CUL2: variants seen among roughly 807,000 people sequenced by gnomAD.
CUL2 encodes the protein cullin-2.
CUL2 carries 22 observed loss-of-function variants against 110.2 expected under a neutral mutation model. The observed-to-expected ratio is 0.20, with a 90% confidence interval of 0.14 to 0.28. The LOEUF is 0.28. Ranked by LOEUF, CUL2 falls within the 10% of genes least tolerant of loss-of-function variation. CUL2 has a pLI of 1.00. For synonymous variants in CUL2, 279 were observed against 293.2 expected (o/e 0.95, Z 0.49); for missense variants, 631 against 905.5 (o/e 0.70, Z 3.89).
chr10:35,086,564 G>A (rs1325958356), intron 1 of CUL2, among the ~76,000 whole-genome samples: 1 of 152,106 alleles, frequency 6.6e-6, no homozygotes, highest in East Asian at 1.9e-4. Flanking sequence ...TGGGATTACA[G>A]GCCTGAGCCA....
rs776636047 is a variant in CUL2 at position 35,029,469 on chromosome 10, G to C, written c.1539+19C>G. The C allele has an allele frequency of 3.4e-6, 5 of 1,449,550 alleles. No homozygotes were observed. The highest frequency in any genetic ancestry group is 4.7e-6 in the Non-Finnish European group (5 of 1,073,232). 89.8% of individuals were successfully genotyped at this position (1,449,550 alleles called of 1,614,324 possible). On this transcript the variant is annotated intron_variant, in intron 15 of 20. Coordinates refer to ENST00000374749, the MANE Select transcript of CUL2 (RefSeq NM_003591.4). ...CTGAAATGATTAGTAAATGCTCATA[G>C]TAAAACACATATTCATACCTGTAGA...
Position 35,060,943 on chromosome 10 carries a change from A to G in CUL2, c.248T>C (p.Val83Ala), listed in dbSNP as rs763290894. 6.2e-7 allele frequency: 1 copy of G among 1,613,784 alleles called. No individual in the cohort carries two copies. Among genetic ancestry groups the G allele is most frequent in the Non-Finnish European group, 8.5e-7 (1 of 1,179,902 alleles). ...HKRVLESEEQ[V>A]LVMYHRYWEE... ...CCAGTACCTATGATACATAACAAGT[A>G]CTTGTTCTTCTGACTCCAAAACTCT... Residue 83 changes from valine (V) to alanine (A), a missense_variant, in exon 4 of 21, where the codon GTA (valine) becomes GCA (alanine). Val to Ala is a moderately conservative substitution (Grantham distance 64). Around this residue, in one of 3 missense-constraint regions of CUL2, gnomAD observed 338 missense variants for 442.5 expected, o/e 0.76. Coordinates refer to ENST00000374749, the MANE Select transcript of CUL2 (RefSeq NM_003591.4).
chr10:35,107,075 C>T (rs1419307012), intron 1 of CUL2, among the ~76,000 whole-genome samples: 3 of 152,022 alleles, frequency 2.0e-5, no homozygotes, highest in Non-Finnish European at 4.4e-5. Flanking sequence ...CCCGGGTTCA[C>T]ACCATTCTCC....
intron 16 of CUL2, among the ~76,000 whole-genome samples, chr10:35,026,941 G>A (rs573344241): frequency 1.2e-3 from 179 of 151,778 alleles, no homozygotes; most frequent in South Asian, 0.011. Flanking sequence ...CCACTAACTC[G>A]TCATTTAGCA....
At chr10:35,048,346 T>C (rs2086005676) in intron 6 of CUL2, among the ~76,000 whole-genome samples, 1 of 152,150 alleles carries the variant, frequency 6.6e-6, no homozygotes, top group Admixed American at 6.5e-5. Context: ...CCAGAACTAA[T>C]ATGCTTTAGT....
At position 35,123,043 on chromosome 10, in the gene CUL2, T is replaced by C. The variant is rs140245456; in HGVS notation, c.-51+3562A>G. On this transcript the variant is annotated intron_variant, in intron 1 of 5. Transcript: ENST00000685421. ...GTCCTAGCTACTCAGGAGGCTGAGG[T>C]GGGAGGATTGCTTGAGCCTGGGAGG... Among the ~76,000 whole-genome samples, 456 of 152,050 alleles carry C rather than the reference T, an allele frequency of 3.0e-3. 10 individuals are homozygous for C. Among genetic ancestry groups the C allele is most frequent in the Admixed American group, 0.029 (443 of 15,262 alleles).
chr10:35,106,173 A>C (rs577026336), intron 1 of CUL2, among the ~76,000 whole-genome samples: 156 of 152,330 alleles, frequency 1.0e-3, no homozygotes, highest in Non-Finnish European at 2.0e-3. Flanking sequence ...GAGTTCCCAG[A>C]GAGCTCCCTC....
upstream of CUL2, among the ~76,000 whole-genome samples, chr10:35,091,773 A>T (rs988847147): frequency 6.6e-6 from 1 of 152,112 alleles, no homozygotes; most frequent in Non-Finnish European, 1.5e-5. Flanking sequence ...GAAGCCCGCC[A>T]CCACACCCGG....
intron 1 of CUL2, among the ~76,000 whole-genome samples, chr10:35,115,532 C>G (rs2087583474): frequency 1.3e-5 from 2 of 152,074 alleles, no homozygotes; most frequent in African/African-American, 4.8e-5. Context: ...TACACTCTAG[C>G]CTGGGTGACA....
At chr10:35,032,579 CA>C in intron 11 of CUL2, 85 bp from the exon 12 acceptor site, 5 of 963,644 alleles carry the variant, frequency 5.2e-6, no homozygotes, top group South Asian at 3.4e-5. Flanking sequence ...TCTGTACATC[CA>C]AAAATTACCC....
intron 1 of CUL2, among the ~76,000 whole-genome samples, chr10:35,112,957 G>T (rs931589810): frequency 1.3e-5 from 2 of 151,510 alleles, no homozygotes; most frequent in Non-Finnish European, 2.9e-5. Context: ...ACTTTGGGAG[G>T]CCAAGGCAGG....
chr10:35,110,600 T>C (rs1326749678), intron 1 of CUL2, among the ~76,000 whole-genome samples: 2 of 152,066 alleles, frequency 1.3e-5, no homozygotes, highest in African/African-American at 4.8e-5. Flanking sequence ...ATTAATTTTG[T>C]CACAGTTCTG....
chr10:35,090,107 C>T (rs1751955953), intron 1 of CUL2, 72 bp downstream of exon 1: 1 of 152,438 alleles, frequency 6.6e-6, no homozygotes, highest in African/African-American at 2.4e-5. Flanking sequence ...GCCCCAGCCC[C>T]GCCACCCATT....
At chr10:35,117,879 T>C (rs1027393571) in intron 1 of CUL2, among the ~76,000 whole-genome samples, 7 of 152,236 alleles carry the variant, frequency 4.6e-5, no homozygotes, top group Admixed American at 3.9e-4. Flanking sequence ...CTTTGTTTTC[T>C]TAATAGACTT....
intron 17 of CUL2, among the ~76,000 whole-genome samples, chr10:35,019,720 C>T (rs1173672162): frequency 6.6e-6 from 1 of 152,214 alleles, no homozygotes; most frequent in African/African-American, 2.4e-5. Flanking sequence ...ACAATAGTTT[C>T]ATCCAAGTCA....
intron 1 of CUL2, among the ~76,000 whole-genome samples, chr10:35,103,842 C>G (rs1413580855): frequency 6.6e-6 from 1 of 151,866 alleles, no homozygotes; most frequent in Non-Finnish European, 1.5e-5. Flanking sequence ...CTCATTTATT[C>G]TTTCTCCTCT....
chr10:35,103,312 T>TTA (rs1312767033), intron 1 of CUL2, among the ~76,000 whole-genome samples: 8 of 98,588 alleles, frequency 8.1e-5, no homozygotes, highest in African/African-American at 3.0e-4. Flanking sequence ...AAGCTAATTT[T>TTA]TTTTTTTTTT....
chr10:35,080,201 T>C (rs1311589997), intron 1 of CUL2, among the ~76,000 whole-genome samples: 1 of 152,138 alleles, frequency 6.6e-6, no homozygotes, highest in African/African-American at 2.4e-5. Flanking sequence ...TGGTGCACAA[T>C]GACCAAATAT....
At chr10:35,057,900 C>A (rs2086282830) in intron 4 of CUL2, among the ~76,000 whole-genome samples, 1 of 151,492 alleles carries the variant, frequency 6.6e-6, no homozygotes, top group Non-Finnish European at 1.5e-5. Flanking sequence ...TCGAGACCAT[C>A]CTGGCCAACA....
Sources: gnomAD v4.1 joint callset for allele counts (sites outside exome capture counted in the v4.1 genomes callset) on GRCh38, gnomAD v4.1.1 for gene constraint, gnomAD v4.1.1 regional missense constraint, MANE v1.5 for transcripts, NCBI Gene and HGNC (gene_info 2026-07-23, HGNC 2026-07-21) for gene names.